PANK4: variants seen among roughly 807,000 people sequenced by gnomAD.
PANK4 encodes the protein pantothenate kinase 4 (inactive), also known as 4'-phosphopantetheine phosphatase.
A neutral mutation model predicts 87.9 loss-of-function variants in PANK4; 40 were observed. The observed-to-expected ratio is 0.46, with a 90% CI of 0.35 to 0.59. The LOEUF (loss-of-function observed/expected upper bound fraction) is 0.59. Ranked by LOEUF, PANK4 falls within the 20% of genes least tolerant of loss-of-function variation. PANK4 has a pLI of 0.00. For synonymous variants in PANK4, 524 were observed against 467.4 expected, an observed-to-expected ratio of 1.12 and a Z score of -1.56; for missense variants, 926 against 1,072.3, an observed-to-expected ratio of 0.86 and a Z score of 1.90.
In PANK4 at chr1:2,511,650, T is replaced by C. The variant is rs760593926; in HGVS notation, c.1761A>G (p.Glu587=). ...TACCTTGTAACTTCCTCTTTGCTTC[T>C]TCAAACCCAAAGTAGGGGTCGGATT... ...VLESDPYFGF[E]EAKRKLQERP... The change falls in exon 14 of 19, where the codon GAA becomes GAG. Residue 587 remains glutamate (E), a synonymous_variant. Coordinates refer to ENST00000378466, the MANE Select transcript of PANK4 (RefSeq NM_018216.4). 3.7e-6 allele frequency: 6 copies of C among 1,610,924 alleles called. No homozygotes were observed. Among genetic ancestry groups the C allele is most frequent in the Non-Finnish European group, 5.1e-6 (6 of 1,177,408 alleles).
Position 2,510,388 on chromosome 1 carries a change from T to C in PANK4, c.1939-231A>G. 1.9e-6 allele frequency: 1 copy of C among 539,932 alleles called. No homozygotes were observed. Among genetic ancestry groups the C allele is most frequent in the South Asian group, 2.1e-5 (1 of 46,696 alleles). The allele number at this position is 539,932 out of a possible 1,614,324, so 33.4% of individuals were successfully genotyped here. On this transcript the variant is annotated intron_variant, in intron 16 of 18. Transcript: ENST00000378466. The surrounding 1 kb of genome is among the most constrained non-coding windows in gnomAD (Gnocchi z 4.9). ...GAGTTTAGAGCCTGCCCCTGGGACC[T>C]GCCTGTCTGTGAAGTCACAGCCCCA...
rs1433759551 is a variant in PANK4 at position 2,509,620 on chromosome 1, G to T, written c.2108+242C>A. 6.6e-6 allele frequency among the ~76,000 whole-genome samples: 1 copy of T among 152,094 alleles called. No individual in the cohort carries two copies. The highest frequency in any genetic ancestry group is 1.9e-4 in the East Asian group (1 of 5,178). ...GGCCACAGGGACATTGGCCCCTCTT[G>T]CCCCAAGTCCCCAAACCCAGCCCAT... is the stretch of plus-strand genomic sequence containing the variant. On this transcript the variant is annotated intron_variant, in intron 18 of 18. Coordinates refer to ENST00000378466, the MANE Select transcript of PANK4 (RefSeq NM_018216.4). The surrounding 1 kb of genome is among the most constrained non-coding windows in gnomAD (Gnocchi z 4.9).
Position 2,518,503 on chromosome 1 carries a change from C to A in PANK4, c.1117+13G>T. ...GCCCCACGCTGCTCAGGGGCGCCAGCACCGCGACTCACTGTCCTGCTCAGC... is the reference window on the plus strand; with the variant it reads ...GCCCCACGCTGCTCAGGGGCGCCAGAACCGCGACTCACTGTCCTGCTCAGC... On this transcript the variant is annotated intron_variant, in intron 8 of 18. Transcript: ENST00000378466. 1 of 1,553,460 alleles carries A rather than the reference C, an allele frequency of 6.4e-7. No homozygotes were observed. The highest frequency in any genetic ancestry group is 8.7e-7 in the Non-Finnish European group (1 of 1,147,184).
chr1:2,521,567 C>T (rs769957549), intron 2 of PANK4, 151 bp downstream of exon 2: 18 of 770,916 alleles, frequency 2.3e-5, no homozygotes, highest in Non-Finnish European at 3.5e-5. Flanking sequence ...AGGGACACGG[C>T]GGAAGGCAGG....
rs563976067 is a variant in PANK4 at position 2,518,713 on chromosome 1, G to A, written c.1036-116C>T. The A allele has an allele frequency of 7.3e-5, 60 of 827,302 alleles. No individual in the cohort carries two copies. In the African/African-American group the frequency reaches 9.0e-4, roughly 12 times the overall value. The allele number at this position is 827,302 out of a possible 1,614,324, so 51.2% of individuals were successfully genotyped here. A position where few individuals can be genotyped will look rare whatever the true frequency, so the allele number is the denominator to read the frequency against. ...GCGCGGCCCAAACCCTCGAAGAGGC[G>A]CCATGGCACCCACGGCATACTTGCC... On this transcript the variant is annotated intron_variant, in intron 7 of 18. Transcript: ENST00000378466.
chr1:2,518,088 C>T (rs1012722564), intron 9 of PANK4, 76 bp downstream of exon 9: 27 of 857,360 alleles, frequency 3.1e-5, no homozygotes, highest in African/African-American at 2.6e-4. Flanking sequence ...CAAGAGGCTT[C>T]GCTCAGGGAC....
Position 2,514,425 on chromosome 1 carries a change from A to G in PANK4, c.1416T>C (p.Asp472=), listed in dbSNP as rs1643721525. The part of the protein sequence containing the change: ...RAVASQPDSV[D]AAERAEKFRQ... Reference sequence around the variant, plus strand: ...GGAACTTCTCCGCCCTCTCGGCTGCATCCACAGAGTCTGGCTGGCTCGCCA... The same window carrying G: ...GGAACTTCTCCGCCCTCTCGGCTGCGTCCACAGAGTCTGGCTGGCTCGCCA... The change falls in exon 11 of 19, where the codon GAT becomes GAC. Residue 472 remains aspartate, a synonymous_variant. Coordinates refer to ENST00000378466, the MANE Select transcript of PANK4 (RefSeq NM_018216.4). The G allele has an allele frequency of 5.0e-6, 8 of 1,612,052 alleles. 1 individual carries two copies. The highest frequency in any genetic ancestry group is 3.3e-5 in the South Asian group (3 of 91,068).
In PANK4 at chr1:2,520,616, C is replaced by T. The variant is rs1021733645; in HGVS notation, c.606+107G>A. ...TCACAGCCTCGCCACCCCCCTCCCGCCCACTGGGCCCCATCCATGTGCCCA... is the reference window on the plus strand; with the variant it reads ...TCACAGCCTCGCCACCCCCCTCCCGTCCACTGGGCCCCATCCATGTGCCCA... On this transcript the variant is annotated intron_variant, in intron 4 of 18. Transcript: ENST00000378466. This position sits in a 1 kb window ranked among gnomAD's most constrained non-coding sequence, Gnocchi z 6.2. 32 of 1,183,190 alleles carry T rather than the reference C, an allele frequency of 2.7e-5. No homozygotes were observed. Among genetic ancestry groups the T allele is most frequent in the African/African-American group, 1.5e-5 (1 of 65,546 alleles). The allele number at this position is 1,183,190 out of a possible 1,614,324, so 73.3% of individuals were successfully genotyped here.
chr1:2,520,172 A>C lies in PANK4; in HGVS notation c.699+150T>G. 1 of 803,402 alleles carries C rather than the reference A, an allele frequency of 1.2e-6. No homozygotes were observed. The highest frequency in any genetic ancestry group is 2.7e-5 in the East Asian group (1 of 37,508). 49.8% of individuals were successfully genotyped at this position (803,402 alleles called of 1,614,324 possible). On this transcript the variant is annotated intron_variant, in intron 5 of 18. Transcript: ENST00000378466. This position sits in a 1 kb window ranked among gnomAD's most constrained non-coding sequence, Gnocchi z 6.2. Reference sequence around the variant, plus strand: ...GGGACACCCAACCCTCAGGGCGCAAAGAGTGAAGCCGCAGAGGCCAGAGAC... The same window carrying C: ...GGGACACCCAACCCTCAGGGCGCAACGAGTGAAGCCGCAGAGGCCAGAGAC...
chr1:2,522,038 C>G, intron 1 of PANK4: 1 of 557,714 alleles, frequency 1.8e-6, no homozygotes, highest in Non-Finnish European at 3.2e-6. Flanking sequence ...CCAAACTGAG[C>G]TCAAGAGGTC....
In PANK4 at chr1:2,520,889, A is replaced by T; in HGVS notation, c.440T>A (p.Val147Glu). Reference sequence around the variant, plus strand: ...GCACCCCTTAATCAGGCACGTCATCACGTCCTCCTTGTCGACTCTGAAAAG... The same window carrying T: ...GCACCCCTTAATCAGGCACGTCATCTCGTCCTCCTTGTCGACTCTGAAAAG... Reference protein sequence around the residue: ...KLRLKVDKEDVMTCLIKGCNF... With the variant: ...KLRLKVDKEDEMTCLIKGCNF... Residue 147 changes from valine to glutamate, a missense_variant, in exon 4 of 19, where the codon GTG becomes GAG. Physicochemically the swap from Val to Glu is moderately radical, Grantham distance 121. Transcript: ENST00000378466. The surrounding 1 kb of genome is among the most constrained non-coding windows in gnomAD (Gnocchi z 6.2). 2 of 1,555,230 alleles carry T rather than the reference A, an allele frequency of 1.3e-6. No individual in the cohort carries two copies. The highest frequency in any genetic ancestry group is 1.7e-6 in the Non-Finnish European group (2 of 1,151,708).
rs942699528 is a variant in PANK4 at position 2,515,013 on chromosome 1, C to T, written c.1375-547G>A. Among the ~76,000 whole-genome samples the T allele has an allele frequency of 1.8e-4, 27 of 152,150 alleles. No homozygotes were observed. Among genetic ancestry groups the T allele is most frequent in the African/African-American group, 6.0e-4 (25 of 41,430 alleles). On this transcript the variant is annotated intron_variant, in intron 10 of 18. Transcript: ENST00000378466. The surrounding 1 kb of genome is among the most constrained non-coding windows in gnomAD (Gnocchi z 5.0). Reference sequence around the variant, plus strand: ...TCCTCCCTCAGGACAAACCCTGGCACGACCCGGCCTCTCCGAGGGCTTCGT... The same window carrying T: ...TCCTCCCTCAGGACAAACCCTGGCATGACCCGGCCTCTCCGAGGGCTTCGT...
At position 2,515,726 on chromosome 1, in the gene PANK4, C is replaced by T. The variant is rs921920045; in HGVS notation, c.1219-9G>A. ...ATTTCCAGCAAGTCAAACTGGAAGA[C>T]AGGCAGTGGCAGGGTGGAAACGTCA... On this transcript the variant is annotated splice_polypyrimidine_tract_variant and intron_variant, in intron 9 of 18. Transcript: ENST00000378466. The surrounding 1 kb of genome is among the most constrained non-coding windows in gnomAD (Gnocchi z 5.0). The T allele has an allele frequency of 6.2e-7, 1 of 1,612,014 alleles. No homozygotes were observed. Among genetic ancestry groups the T allele is most frequent in the African/African-American group, 1.3e-5 (1 of 75,024 alleles).
At position 2,526,357 on chromosome 1, in the gene PANK4, G is replaced by C. The variant is rs895137897; in HGVS notation, c.124+107C>G. The C allele has an allele frequency of 1.1e-5, 7 of 620,440 alleles. No homozygotes were observed. In the South Asian group the frequency reaches 3.4e-4, roughly 30 times the overall value. The allele number at this position is 620,440 out of a possible 1,614,324, so 38.4% of individuals were successfully genotyped here. ...ACAAGGCCCGTGAGGCTGTGCGCGA[G>C]GCCCGCGCCCCCGCCCTTCGTCCTT... is the stretch of plus-strand genomic sequence containing the variant. On this transcript the variant is annotated intron_variant, in intron 1 of 18. Transcript: ENST00000378466.
intron 2 of PANK4, 168 bp downstream of exon 2, chr1:2,521,550 G>T: frequency 2.7e-6 from 2 of 740,822 alleles, no homozygotes; most frequent in Admixed American, 1.9e-5. Flanking sequence ...CCTACAAAGG[G>T]TCTTGAAGGG....
intron 1 of PANK4, among the ~76,000 whole-genome samples, chr1:2,523,036 G>C (rs370283881): frequency 6.6e-6 from 1 of 152,206 alleles, no homozygotes; most frequent in African/African-American, 2.4e-5. Flanking sequence ...GACAAAAAGA[G>C]GCAAAAATCC....
chr1:2,513,957 G>T, intron 12 of PANK4, 45 bp downstream of exon 12: 1 of 1,376,774 alleles, frequency 7.3e-7, no homozygotes. Flanking sequence ...GTGCCAGCGG[G>T]ACGGGGACAA....
At chr1:2,514,500 G>A (rs575050276) in intron 10 of PANK4, 34 bp from the exon 11 acceptor site, 29 of 1,504,038 alleles carry the variant, frequency 1.9e-5, no homozygotes, top group East Asian at 4.5e-5. Context: ...TTAGTCAAGC[G>A]CTGGCCCTGC....
rs1367277282 is a variant in PANK4 at position 2,519,153 on chromosome 1, A to C, written c.1025T>G (p.Phe342Cys). Reference sequence around the variant, plus strand: ...CGGCGCATCCGTTACCTTGGAGAAGAAGTTGATGCTATAGGTGATGGTGCG... The same window carrying C: ...CGGCGCATCCGTTACCTTGGAGAAGCAGTTGATGCTATAGGTGATGGTGCG... ...TMRTITYSIN[F>C]FSKGEVQALF... Residue 342 changes from phenylalanine to cysteine, a missense_variant, in exon 7 of 19, where the codon TTC (phenylalanine) becomes TGC (cysteine). Transcript: ENST00000378466. The surrounding 1 kb of genome is among the most constrained non-coding windows in gnomAD (Gnocchi z 8.3). 7 of 1,611,592 alleles carry C rather than the reference A, an allele frequency of 4.3e-6. No homozygotes were observed. The highest frequency in any genetic ancestry group is 5.1e-6 in the Non-Finnish European group (6 of 1,179,334).
Sources: gnomAD v4.1 joint callset for allele counts (sites outside exome capture counted in the v4.1 genomes callset) on GRCh38, gnomAD v4.1.1 for gene constraint, Gnocchi (gnomAD v3.1) non-coding constraint, MANE v1.5 for transcripts, NCBI Gene and HGNC (gene_info 2026-07-23, HGNC 2026-07-21) for gene names.